MAOA: variants seen among roughly 807,000 people sequenced by gnomAD.
The protein encoded by MAOA is amine oxidase [flavin-containing] A.
Under a neutral mutation model 42.0 loss-of-function variants are expected in MAOA, and 6 were observed. That is an observed-to-expected ratio of 0.14 (90% CI 0.08 to 0.28). MAOA has a LOEUF of 0.28. Ranked by LOEUF, MAOA falls within the 10% of genes least tolerant of loss-of-function variation. The pLI, the probability that MAOA is intolerant of heterozygous loss-of-function variation, is 1.00. For synonymous variants in MAOA, 140 were observed against 154.0 expected (o/e 0.91, Z 0.67); for missense variants, 262 against 422.3 (o/e 0.62, Z 3.33).
chrX:43,660,924 A>G (rs1463146251), intron 1 of MAOA, among the ~76,000 whole-genome samples: 1 of 111,905 alleles, frequency 8.9e-6, no homozygotes, highest in Non-Finnish European at 1.9e-5. Context: ...AGGAAACAAG[A>G]AAAAAGCCCA....
intron 10 of MAOA, among the ~76,000 whole-genome samples, chrX:43,739,967 G>A (rs907313093): frequency 8.9e-6 from 1 of 112,137 alleles, no homozygotes; most frequent in African/African-American, 3.2e-5. Context: ...GTTTATATAA[G>A]TACAACCACT....
At position 43,691,382 on chromosome X, in the gene MAOA, A is replaced by T. The variant is rs1263165739; in HGVS notation, c.169-1909A>T. ...GAGTAAGACCCTGTCTCAAAAAAAA[A>T]AAATAAAAATAAAAAAGATGAAAAT... On this transcript the variant is annotated intron_variant, in intron 2 of 14. Transcript: ENST00000338702. Among the ~76,000 whole-genome samples the T allele has an allele frequency of 3.6e-5, 4 of 111,167 alleles. No homozygotes were observed. The East Asian group carries it at 1.1e-3, about 31-fold the overall frequency.
At position 43,741,941 on chromosome X, in the gene MAOA, GA is replaced by G. The variant is rs747142391; in HGVS notation, c.1165-7del. On this transcript the variant is annotated splice_polypyrimidine_tract_variant and splice_region_variant and intron_variant, in intron 11 of 14. Coordinates refer to ENST00000338702, the MANE Select transcript of MAOA (RefSeq NM_000240.4). ...TCTCTTTTGTATTTTCTTCCCCACT[GA>G]ACTGCAGCCAGTGCATTATGAAGAG... The G allele has an allele frequency of 2.4e-5, 29 of 1,209,869 alleles. No homozygotes were observed. The highest frequency in any genetic ancestry group is 3.2e-5 in the Non-Finnish European group (29 of 895,225).
At chrX:43,667,430 A>G in intron 1 of MAOA, among the ~76,000 whole-genome samples, 1 of 111,288 alleles carries the variant, frequency 9.0e-6, no homozygotes, top group Middle Eastern at 4.6e-3. Flanking sequence ...ATATTATTTG[A>G]TGGGTGAATA....
At chrX:43,667,058 G>A (rs935093900) in intron 1 of MAOA, among the ~76,000 whole-genome samples, 30 of 109,743 alleles carry the variant, frequency 2.7e-4, no homozygotes, top group Non-Finnish European at 7.6e-5. Flanking sequence ...GTCAATGGGT[G>A]CAGCACACCA....
At chrX:43,656,527 T>C in intron 1 of MAOA, 113 bp downstream of exon 1, 1 of 707,775 alleles carries the variant, frequency 1.4e-6, no homozygotes, top group East Asian at 3.4e-5. Context: ...GAGTGTAGTG[T>C]AGCCATGGCT....
chrX:43,713,503 A>G (rs1487460243), intron 5 of MAOA, among the ~76,000 whole-genome samples: 2 of 112,007 alleles, frequency 1.8e-5, no homozygotes, highest in Non-Finnish European at 3.8e-5. Context: ...AATCCCATAT[A>G]GATGTGGAAT....
chrX:43,693,215 G>A, intron 2 of MAOA, 76 bp from the exon 3 acceptor site: 1 of 1,006,171 alleles, frequency 9.9e-7, no homozygotes. Context: ...AAAAATAAAT[G>A]GGGTTATTTT....
intron 3 of MAOA, among the ~76,000 whole-genome samples, chrX:43,702,085 C>T (rs2147089727): frequency 8.9e-6 from 1 of 111,966 alleles, no homozygotes. Flanking sequence ...ATATCTAGTC[C>T]ATTCTGGGCA....
intron 5 of MAOA, among the ~76,000 whole-genome samples, chrX:43,724,871 G>A (rs1446097074): frequency 2.7e-5 from 3 of 112,033 alleles, no homozygotes; most frequent in African/African-American, 9.7e-5. Flanking sequence ...CTGGTACGTT[G>A]TGTCTTTGTT....
intron 1 of MAOA, among the ~76,000 whole-genome samples, chrX:43,679,520 C>T (rs1385978743): frequency 1.8e-5 from 2 of 110,742 alleles, no homozygotes; most frequent in African/African-American, 6.6e-5. Context: ...CAAGGAAAGG[C>T]ATATGAAATG....
intron 1 of MAOA, among the ~76,000 whole-genome samples, chrX:43,661,821 T>C (rs1301418111): frequency 9.0e-6 from 1 of 111,396 alleles, no homozygotes. Context: ...CATGTCCAAA[T>C]AGTGTTTAAG....
At chrX:43,660,524 C>T (rs772417693) in intron 1 of MAOA, among the ~76,000 whole-genome samples, 1 of 111,391 alleles carries the variant, frequency 9.0e-6, no homozygotes, top group South Asian at 3.8e-4. Flanking sequence ...GCCTCGTGTC[C>T]TCAGGCTACA....
chrX:43,676,310 A>G (rs978563133), intron 1 of MAOA, among the ~76,000 whole-genome samples: 1 of 111,883 alleles, frequency 8.9e-6, no homozygotes, highest in Non-Finnish European at 1.9e-5. Context: ...GCGCAGTATT[A>G]GGGTGGGAGT....
chrX:43,744,626 A>G lies in MAOA; in HGVS notation c.*113A>G. ...ATGTTTAAGTGTACTGGATTTAACT[A>G]CCTTTGGCTTAATTCCAATCATTGT... On this transcript the variant is annotated 3_prime_UTR_variant, in exon 15 of 15. Transcript: ENST00000338702. 2 of 831,494 alleles carry G rather than the reference A, an allele frequency of 2.4e-6. No individual in the cohort carries two copies. Among genetic ancestry groups the G allele is most frequent in the Non-Finnish European group, 3.6e-6 (2 of 560,117 alleles). 68.5% of individuals were successfully genotyped at this position (831,494 alleles called of 1,213,427 possible). A position where few individuals can be genotyped will look rare whatever the true frequency, so the allele number is the denominator to read the frequency against.
At chrX:43,729,041 A>G (rs1453387604) in intron 6 of MAOA, among the ~76,000 whole-genome samples, 1 of 112,225 alleles carries the variant, frequency 8.9e-6, no homozygotes, top group African/African-American at 3.2e-5. Flanking sequence ...GTAGCAGTTT[A>G]CTTCTAACTT....
At chrX:43,685,228 A>T (rs2033478843) in intron 2 of MAOA, among the ~76,000 whole-genome samples, 2 of 111,579 alleles carry the variant, frequency 1.8e-5, no homozygotes, top group African/African-American at 6.5e-5. Flanking sequence ...TGGTAACAAG[A>T]TGGATGCTGA....
At chrX:43,732,923 T>G (rs1471093422) in intron 9 of MAOA, 128 bp downstream of exon 9, 1 of 528,491 alleles carries the variant, frequency 1.9e-6, no homozygotes, top group Admixed American at 2.6e-5. Flanking sequence ...ATATATAATG[T>G]TTCCATGTGT....
intron 6 of MAOA, among the ~76,000 whole-genome samples, chrX:43,728,846 A>G (rs1239545438): frequency 2.7e-5 from 3 of 112,987 alleles, no homozygotes; most frequent in African/African-American, 9.6e-5. Flanking sequence ...GAATTTGCCC[A>G]GTTTCCATAT....
Sources: allele counts gnomAD v4.1 joint callset (sites outside exome capture counted in the v4.1 genomes callset), GRCh38; gene constraint gnomAD v4.1.1; transcripts MANE v1.5; gene names NCBI Gene and HGNC (gene_info 2026-07-23, HGNC 2026-07-21).